Variants in CDH13 observed in about 807,000 individuals in gnomAD.
CDH13 encodes cadherin 13, also known as cadherin-13.
Under a neutral mutation model 63.8 loss-of-function variants are expected in CDH13, and 24 were observed. The ratio of observed to expected loss-of-function variants is 0.38; its 90% CI spans 0.27 to 0.53. The LOEUF (loss-of-function observed/expected upper bound fraction) is 0.53. CDH13 is among the 20% of genes least tolerant of loss of function. The pLI, the probability that CDH13 is intolerant of heterozygous loss-of-function variation, is 0.85. For missense variants in CDH13, 1,049 were observed against 903.1 expected (o/e 1.16, Z -2.07); for synonymous variants, 503 against 355.3 (o/e 1.42, Z -4.67).
intron 3 of CDH13, among the ~76,000 whole-genome samples, chr16:83,055,284 A>G (rs888874867): frequency 5.3e-5 from 8 of 152,008 alleles, no homozygotes; most frequent in African/African-American, 1.2e-4. Flanking sequence ...AATACAATTT[A>G]TAACATAGAA....
At chr16:83,614,490 A>T (rs1204038175) in intron 8 of CDH13, among the ~76,000 whole-genome samples, 1 of 152,114 alleles carries the variant, frequency 6.6e-6, no homozygotes, top group Non-Finnish European at 1.5e-5. Context: ...CTGCCCTCAC[A>T]ATCTGGGAAA....
chr16:82,767,955 T>C lies in CDH13; in HGVS notation c.46-90407T>C, dbSNP rs574008160. On this transcript the variant is annotated intron_variant, in intron 1 of 13. Coordinates refer to ENST00000567109, the MANE Select transcript of CDH13 (RefSeq NM_001257.5). ...GATCTAGAGTGACCATTGCAAGGCC[T>C]CAAAGAGAAACGAAGAGTGAGGAGT... 2.5e-3 allele frequency among the ~76,000 whole-genome samples: 379 copies of C among 152,082 alleles called. 1 individual carries two copies. The highest frequency in any genetic ancestry group is 3.4e-3 in the Middle Eastern group (1 of 294).
chr16:82,904,811 C>G (rs2041589075), intron 2 of CDH13, among the ~76,000 whole-genome samples: 1 of 152,182 alleles, frequency 6.6e-6, no homozygotes, highest in African/African-American at 2.4e-5. Flanking sequence ...GACCATTACT[C>G]CATGTGGGCC....
intron 8 of CDH13, among the ~76,000 whole-genome samples, chr16:83,669,548 T>C (rs1186234766): frequency 6.6e-6 from 1 of 152,154 alleles, no homozygotes; most frequent in Non-Finnish European, 1.5e-5. Flanking sequence ...TTTTCTAGCC[T>C]CCATGCATGT....
intron 1 of CDH13, among the ~76,000 whole-genome samples, chr16:82,685,873 C>T (rs935609148): frequency 3.0e-4 from 46 of 152,286 alleles, no homozygotes; most frequent in African/African-American, 1.1e-3. Context: ...AGAGACAGTC[C>T]TCTTTTTGAT....
intron 3 of CDH13, among the ~76,000 whole-genome samples, chr16:83,052,674 G>GGAGGCT (rs1422426783): frequency 1.1e-4 from 16 of 150,606 alleles, no homozygotes; most frequent in Non-Finnish European, 2.2e-4. Flanking sequence ...CAGCTACTCG[G>GGAGGCT]GAGGCTGAGG....
chr16:82,961,228 C>G (rs971996077), intron 2 of CDH13, among the ~76,000 whole-genome samples: 2 of 152,172 alleles, frequency 1.3e-5, no homozygotes, highest in African/African-American at 4.8e-5. Context: ...CACCACAAGT[C>G]AATGAGGAGA....
At chr16:83,232,622 G>A (rs539242984) in intron 5 of CDH13, among the ~76,000 whole-genome samples, 4 of 151,034 alleles carry the variant, frequency 2.6e-5, no homozygotes, top group South Asian at 4.2e-4. Context: ...CATGTTATAC[G>A]CCTGCATCCC....
At chr16:83,108,295 C>G (rs1484965131) in intron 3 of CDH13, among the ~76,000 whole-genome samples, 1 of 152,172 alleles carries the variant, frequency 6.6e-6, no homozygotes, top group African/African-American at 2.4e-5. Context: ...TCTGTCCATG[C>G]CCCACCTGTA....
At chr16:82,983,212 A>G (rs1175032270) in intron 2 of CDH13, among the ~76,000 whole-genome samples, 1 of 152,090 alleles carries the variant, frequency 6.6e-6, no homozygotes, top group African/African-American at 2.4e-5. Flanking sequence ...CCTTTCTTAG[A>G]CTGCAGAGAA....
intron 8 of CDH13, among the ~76,000 whole-genome samples, chr16:83,667,023 A>ATGGATGGG (rs753860728): frequency 3.9e-5 from 2 of 50,886 alleles, no homozygotes; most frequent in South Asian, 5.1e-4. Context: ...GGATGGATGG[A>ATGGATGGG]TGGATGGGTG....
chr16:83,339,205 C>G (rs1000027569), intron 5 of CDH13, among the ~76,000 whole-genome samples: 3 of 152,108 alleles, frequency 2.0e-5, no homozygotes, highest in African/African-American at 7.2e-5. Context: ...GAGAAGGTTT[C>G]ATTTGAGGAA....
intron 1 of CDH13, among the ~76,000 whole-genome samples, chr16:82,812,495 G>A (rs934988726): frequency 1.3e-5 from 2 of 152,092 alleles, no homozygotes; most frequent in Non-Finnish European, 2.9e-5. Context: ...GTGAGGTGGT[G>A]GAGGTGCAGG....
intron 1 of CDH13, among the ~76,000 whole-genome samples, chr16:82,654,209 A>G (rs1911047377): frequency 6.6e-6 from 1 of 152,164 alleles, no homozygotes; most frequent in African/African-American, 2.4e-5. Flanking sequence ...GATTCTGGGG[A>G]GACAGCAGGT....
chr16:83,198,443 G>C (rs1354747659), intron 4 of CDH13, among the ~76,000 whole-genome samples: 12 of 152,098 alleles, frequency 7.9e-5, no homozygotes, highest in African/African-American at 2.7e-4. Context: ...ATGAACTTTT[G>C]TTAGTGGATG....
chr16:83,442,212 C>T (rs1480137024), intron 6 of CDH13, among the ~76,000 whole-genome samples: 1 of 152,138 alleles, frequency 6.6e-6, no homozygotes, highest in Admixed American at 6.5e-5. Context: ...TTTATTTTCC[C>T]TGGGCCTCAG....
At chr16:82,641,037 A>G (rs571063862) in intron 1 of CDH13, among the ~76,000 whole-genome samples, 160 of 152,324 alleles carry the variant, frequency 1.1e-3, no homozygotes, top group African/African-American at 3.7e-3. Context: ...TGAGACCAAG[A>G]AGAAGGAAAG....
At chr16:82,935,920 G>A (rs1195647609) in intron 2 of CDH13, among the ~76,000 whole-genome samples, 3 of 152,162 alleles carry the variant, frequency 2.0e-5, no homozygotes, top group African/African-American at 4.8e-5. Flanking sequence ...AGACCAGCGG[G>A]TGGCAGCTGT....
chr16:82,988,761 CA>C (rs34153442), intron 2 of CDH13, among the ~76,000 whole-genome samples: 18,427 of 99,006 alleles, frequency 0.19, 1,351 homozygotes, highest in African/African-American at 0.31. Flanking sequence ...AACTCCAACT[CA>C]AAAAAAAAAA....
Sources: gnomAD v4.1 joint callset for allele counts (sites outside exome capture counted in the v4.1 genomes callset) on GRCh38, gnomAD v4.1.1 for gene constraint, MANE v1.5 for transcripts, NCBI Gene and HGNC (gene_info 2026-07-23, HGNC 2026-07-21) for gene names.